ADGRL3: variants seen among roughly 807,000 people sequenced by gnomAD.
The protein encoded by ADGRL3 is calcium-independent alpha-latrotoxin receptor 3.
In ADGRL3, 62 loss-of-function variants were observed where a neutral mutation model predicts 153.5. That is an observed-to-expected ratio of 0.40 (90% CI 0.33 to 0.50). ADGRL3 has a LOEUF of 0.50. Among genes scored for constraint, ADGRL3 ranks in the 20% least tolerant of loss-of-function variants. ADGRL3 has a pLI of 0.47. For missense variants in ADGRL3, 1,641 were observed against 1,859.4 expected (o/e 0.88, Z 2.16); for synonymous variants, 710 against 672.5 (o/e 1.06, Z -0.86).
Position 61,856,449 on chromosome 4 carries a change from TTTTTCTTTTC to T in ADGRL3, c.1481-36187_1481-36178del, listed in dbSNP as rs534182515. On this transcript the variant is annotated intron_variant, in intron 9 of 26. Coordinates refer to ENST00000683033, the MANE Select transcript of ADGRL3 (RefSeq NM_001387552.1). The stretch of plus-strand genomic sequence containing the variant: ...TTCCTTCCTTCCTTCCTTCCTTCCT[TTTTTCTTTTC>T]TTTTCTTTTCTTTTCTTTTTTATTT... Among the ~76,000 whole-genome samples, 66 of 148,656 alleles carry T rather than the reference TTTTTCTTTTC, an allele frequency of 4.4e-4. No homozygotes were observed. In the East Asian group the frequency reaches 9.0e-3, roughly 20 times the overall value.
chr4:61,602,011 C>T (rs1037733248), intron 5 of ADGRL3, among the ~76,000 whole-genome samples: 3 of 151,474 alleles, frequency 2.0e-5, no homozygotes, highest in African/African-American at 7.3e-5. Context: ...TCACTTTTAA[C>T]TGGGATAAAA....
intron 4 of ADGRL3, among the ~76,000 whole-genome samples, chr4:61,552,473 A>G (rs776465572): frequency 5.3e-5 from 8 of 151,912 alleles, no homozygotes; most frequent in Admixed American, 1.3e-4. Flanking sequence ...AATTTCATTT[A>G]TTTATTTTGT....
At chr4:61,577,774 C>T (rs2098897688) in intron 4 of ADGRL3, among the ~76,000 whole-genome samples, 1 of 151,100 alleles carries the variant, frequency 6.6e-6, no homozygotes, top group Non-Finnish European at 1.5e-5. Flanking sequence ...GATCATGCCA[C>T]TGCCCTTCAG....
intron 1 of ADGRL3, among the ~76,000 whole-genome samples, chr4:61,305,337 A>G (rs986735213): frequency 1.3e-5 from 2 of 152,152 alleles, no homozygotes; most frequent in African/African-American, 4.8e-5. Context: ...TTATATCATT[A>G]TAGAAAATTT....
intron 6 of ADGRL3, among the ~76,000 whole-genome samples, chr4:61,726,210 G>GTTTTTTTTTTTTTTGTTTTTTTTTT (rs149472429): frequency 1.7e-5 from 2 of 118,480 alleles, no homozygotes; most frequent in Non-Finnish European, 3.4e-5. Context: ...TTTTTTTTTT[G>GTTTTTTTTTTTTTTGTTTTTTTTTT]TTTTTTGAGA....
intron 25 of ADGRL3, among the ~76,000 whole-genome samples, chr4:62,049,190 A>G (rs1732789302): frequency 1.3e-5 from 2 of 152,088 alleles, no homozygotes; most frequent in Admixed American, 1.3e-4. Flanking sequence ...ACCAATATGG[A>G]TCTTTGAATC....
chr4:61,992,363 T>C (rs542894523), intron 19 of ADGRL3, among the ~76,000 whole-genome samples: 1 of 152,350 alleles, frequency 6.6e-6, no homozygotes, highest in East Asian at 1.9e-4. Flanking sequence ...CAGGCATGTA[T>C]GTATACACCC....
intron 3 of ADGRL3, among the ~76,000 whole-genome samples, chr4:61,500,434 CT>C (rs1028346730): frequency 6.6e-6 from 1 of 152,070 alleles, no homozygotes; most frequent in Non-Finnish European, 1.5e-5. Context: ...AAAAATGTAC[CT>C]TTGATCAAGT....
intron 2 of ADGRL3, among the ~76,000 whole-genome samples, chr4:61,418,583 T>G (rs907412022): frequency 1.3e-5 from 2 of 150,788 alleles, no homozygotes. Context: ...CTTTGTTCTT[T>G]GATAAAATAA....
In ADGRL3 at chr4:61,603,567, C is replaced by G. The variant is rs1008137222; in HGVS notation, c.473+16127C>G. 1.5e-4 allele frequency among the ~76,000 whole-genome samples: 23 copies of G among 152,074 alleles called. 1 individual carries two copies. Among genetic ancestry groups the G allele is most frequent in the Admixed American group, 1.4e-3 (22 of 15,256 alleles). On this transcript the variant is annotated intron_variant, in intron 5 of 26. Transcript: ENST00000683033. ...ACACATTCCACTGTAAGGCTAGAAC[C>G]ACGAGTATTTAATTATGCTCTTTTA...
chr4:61,260,366 G>A (rs576341069), intron 1 of ADGRL3, among the ~76,000 whole-genome samples: 10 of 152,206 alleles, frequency 6.6e-5, no homozygotes, highest in East Asian at 1.9e-4. Context: ...GAGCATCGCC[G>A]GATTCCCGTG....
At chr4:61,305,174 CTT>C (rs34888023) in intron 1 of ADGRL3, among the ~76,000 whole-genome samples, 44 of 146,268 alleles carry the variant, frequency 3.0e-4, no homozygotes, top group East Asian at 2.4e-3. Context: ...TTGCAAGTGA[CTT>C]TTTTTTTTTT....
At chr4:61,875,552 A>G (rs1217562023) in intron 9 of ADGRL3, among the ~76,000 whole-genome samples, 2 of 152,202 alleles carry the variant, frequency 1.3e-5, no homozygotes, top group Non-Finnish European at 2.9e-5. Flanking sequence ...CTTTGCTTAT[A>G]ATATAAGTCA....
intron 1 of ADGRL3, among the ~76,000 whole-genome samples, chr4:61,295,908 G>A (rs995634397): frequency 1.3e-5 from 2 of 152,040 alleles, no homozygotes; most frequent in African/African-American, 2.4e-5. Flanking sequence ...AAGAGTGTGA[G>A]ACTTCAGTGA....
chr4:61,316,321 T>C (rs536262996), intron 1 of ADGRL3, among the ~76,000 whole-genome samples: 1 of 152,250 alleles, frequency 6.6e-6, no homozygotes, highest in East Asian at 1.9e-4. Context: ...GCATTTAGTA[T>C]GGTAGGCCAA....
At chr4:61,620,765 C>T (rs1472790490) in intron 5 of ADGRL3, among the ~76,000 whole-genome samples, 1 of 151,376 alleles carries the variant, frequency 6.6e-6, no homozygotes, top group East Asian at 2.0e-4. Context: ...CTCAGCCTCC[C>T]AAGTAGCTGG....
At chr4:61,813,418 AAG>A (rs1241278602) in intron 8 of ADGRL3, among the ~76,000 whole-genome samples, 2 of 152,172 alleles carry the variant, frequency 1.3e-5, no homozygotes, top group African/African-American at 2.4e-5. Context: ...ATAAATAAGA[AAG>A]AAATATTTAC....
rs1225281296 is a variant in ADGRL3, at chr4:61,939,317, A to G, written c.2419+3272A>G. 3.9e-5 allele frequency among the ~76,000 whole-genome samples: 6 copies of G among 152,210 alleles called. No homozygotes were observed. In the South Asian group the frequency reaches 8.3e-4, roughly 21 times the overall value. ...TAGCTTGGGAATTTGACAGTTGTACATAATTTTATAATATCACAAAAAGAA... is the reference window on the plus strand; with the variant it reads ...TAGCTTGGGAATTTGACAGTTGTACGTAATTTTATAATATCACAAAAAGAA... On this transcript the variant is annotated intron_variant, in intron 15 of 26. Coordinates refer to ENST00000683033, the MANE Select transcript of ADGRL3 (RefSeq NM_001387552.1).
At chr4:61,337,823 A>G (rs943697670) in intron 1 of ADGRL3, among the ~76,000 whole-genome samples, 1 of 152,124 alleles carries the variant, frequency 6.6e-6, no homozygotes, top group Non-Finnish European at 1.5e-5. Context: ...TCTCTCAATT[A>G]TTTGGGCAGA....
Sources: allele counts gnomAD v4.1 joint callset (sites outside exome capture counted in the v4.1 genomes callset), GRCh38; gene constraint gnomAD v4.1.1; transcripts MANE v1.5; gene names NCBI Gene and HGNC (gene_info 2026-07-23, HGNC 2026-07-21).